Variants in EHMT1 observed in about 807,000 individuals in gnomAD.
EHMT1 encodes histone-lysine N-methyltransferase EHMT1.
EHMT1 carries 15 observed loss-of-function variants against 147.2 expected under a neutral mutation model. The observed-to-expected ratio is 0.10, with a 90% CI of 0.07 to 0.16. EHMT1 has a LOEUF of 0.16. Ranked by LOEUF, EHMT1 falls within the 10% of genes least tolerant of loss-of-function variation. The pLI, the probability that EHMT1 is intolerant of heterozygous loss-of-function variation, is 1.00. For missense variants in EHMT1, 1,587 were observed against 1,772.4 expected, an observed-to-expected ratio of 0.90 and a Z score of 1.88; for synonymous variants, 795 against 709.6, an observed-to-expected ratio of 1.12 and a Z score of -1.91.
Position 137,776,685 on chromosome 9 carries a change from G to A in EHMT1, c.1859G>A (p.Arg620Gln), listed in dbSNP as rs534087251. 41 of 1,614,050 alleles carry A rather than the reference G, an allele frequency of 2.5e-5. No individual in the cohort carries two copies. In the South Asian group the frequency reaches 3.5e-4, roughly 14 times the overall value. The stretch of plus-strand genomic sequence containing the variant: ...CGTTTCCACAAAGACTGTGCCTCTC[G>A]AGTCAATAACGCCAGCTATTGTCCC... Reference protein sequence around the residue: ...SHRFHKDCASRVNNASYCPHC... With the variant: ...SHRFHKDCASQVNNASYCPHC... The change falls in exon 12 of 27, where the codon CGA becomes CAA. Residue 620 changes from arginine to glutamine, a missense_variant. By Grantham distance (43) the Arg-to-Gln change is conservative. This residue lies in a region of EHMT1 where 124 missense variants were observed against 197.8 expected (regional missense o/e 0.63). Transcript: ENST00000460843. The surrounding 1 kb of genome is among the most constrained non-coding windows in gnomAD (Gnocchi z 4.4).
chr9:137,825,785 G>A (rs555416800), intron 25 of EHMT1, among the ~76,000 whole-genome samples: 1 of 152,206 alleles, frequency 6.6e-6, no homozygotes, highest in African/African-American at 2.4e-5. Context: ...TCATCACCAC[G>A]CAGGCTGCCC....
At position 137,790,841 on chromosome 9, in the gene EHMT1, T is replaced by C. The variant is rs1952472436; in HGVS notation, c.2383-7T>C. 2.5e-6 allele frequency: 4 copies of C among 1,614,208 alleles called. No homozygotes were observed. The highest frequency in any genetic ancestry group is 8.5e-7 in the Non-Finnish European group (1 of 1,180,038). On this transcript the variant is annotated splice_polypyrimidine_tract_variant and splice_region_variant and intron_variant, in intron 15 of 26. Transcript: ENST00000460843. The stretch of plus-strand genomic sequence containing the variant: ...CCTCCCATACACCTGAACTGTTGTT[T>C]CACTAGGCGGGCGCTAATATTGACA...
chr9:137,696,121 C>T (rs1943376353), intron 1 of EHMT1, among the ~76,000 whole-genome samples: 1 of 152,062 alleles, frequency 6.6e-6, no homozygotes, highest in Non-Finnish European at 1.5e-5. Context: ...ACCAACTCTC[C>T]TTTTTCTGCC....
At chr9:137,756,959 G>A (rs1390722831) in intron 8 of EHMT1, among the ~76,000 whole-genome samples, 1 of 152,132 alleles carries the variant, frequency 6.6e-6, no homozygotes, top group African/African-American at 2.4e-5. Context: ...ATACCTCTCT[G>A]TGCTAGTGTT....
intron 1 of EHMT1, among the ~76,000 whole-genome samples, chr9:137,684,528 G>A (rs993536275): frequency 6.6e-6 from 1 of 151,976 alleles, no homozygotes; most frequent in Non-Finnish European, 1.5e-5. Context: ...GTCTTACTCT[G>A]TCACCCATGT....
At chr9:137,741,960 T>C (rs1023987345) in intron 4 of EHMT1, among the ~76,000 whole-genome samples, 1 of 152,250 alleles carries the variant, frequency 6.6e-6, no homozygotes, top group Non-Finnish European at 1.5e-5. Flanking sequence ...ATTATGATAG[T>C]GAGTTTAGGA....
intron 2 of EHMT1, 100 bp downstream of exon 2, chr9:137,711,130 T>C (rs1433383872): frequency 1.2e-5 from 15 of 1,299,708 alleles, no homozygotes; most frequent in Admixed American, 2.2e-5. Flanking sequence ...TCTGACTTTC[T>C]TTGCTTCACC....
intron 1 of EHMT1, among the ~76,000 whole-genome samples, chr9:137,670,310 C>T (rs1228227932): frequency 6.6e-6 from 1 of 152,062 alleles, no homozygotes; most frequent in African/African-American, 2.4e-5. Context: ...GACCTTGCAC[C>T]TCCACCCCCA....
chr9:137,688,915 T>C (rs1432635346), intron 1 of EHMT1, among the ~76,000 whole-genome samples: 1 of 152,170 alleles, frequency 6.6e-6, no homozygotes, highest in Non-Finnish European at 1.5e-5. Flanking sequence ...TGATCTGCTA[T>C]TGTGGATGTC....
intron 15 of EHMT1, chr9:137,783,999 C>T: frequency 1.8e-6 from 1 of 551,404 alleles, no homozygotes; most frequent in African/African-American, 1.9e-5. Flanking sequence ...TACCTAATGT[C>T]TTATATTGTA....
chr9:137,796,323 T>G (rs914553315), intron 16 of EHMT1, among the ~76,000 whole-genome samples: 2 of 152,062 alleles, frequency 1.3e-5, no homozygotes, highest in African/African-American at 4.8e-5. Flanking sequence ...TTCAAAAAGG[T>G]GTCACAAAGG....
intron 22 of EHMT1, chr9:137,815,734 G>A (rs1336319412): frequency 1.5e-5 from 9 of 606,498 alleles, no homozygotes; most frequent in Non-Finnish European, 2.4e-5. Context: ...GCTCCAGGGG[G>A]TCTCCACAAC....
At position 137,740,074 on chromosome 9, in the gene EHMT1, A is replaced by T. The variant is rs372111152; in HGVS notation, c.824-3297A>T. Among the ~76,000 whole-genome samples the T allele has an allele frequency of 1.2e-4, 18 of 152,052 alleles. No homozygotes were observed. The East Asian group carries it at 3.5e-3, about 29-fold the overall frequency. On this transcript the variant is annotated intron_variant, in intron 4 of 26. Transcript: ENST00000460843. The stretch of plus-strand genomic sequence containing the variant: ...TTTTTTCCCTCACTTCCAACCTCCC[A>T]TCCACCTTGTCTGCCCTCTGGAGCC...
intron 4 of EHMT1, among the ~76,000 whole-genome samples, chr9:137,729,528 T>TG (rs1217444540): frequency 2.0e-5 from 3 of 151,540 alleles, no homozygotes; most frequent in Admixed American, 6.6e-5. Context: ...CGGAGGTTGC[T>TG]GTGAGCCAAC....
intron 4 of EHMT1, among the ~76,000 whole-genome samples, chr9:137,733,937 G>T (rs995942604): frequency 8.5e-5 from 13 of 152,136 alleles, no homozygotes; most frequent in Admixed American, 8.5e-4. Context: ...CACAGAGACA[G>T]CCTACAACTA....
intron 1 of EHMT1, among the ~76,000 whole-genome samples, chr9:137,679,403 G>C (rs1295010593): frequency 6.6e-6 from 1 of 152,124 alleles, no homozygotes; most frequent in African/African-American, 2.4e-5. Flanking sequence ...ATACATCTCG[G>C]GTGGTCCTCA....
At chr9:137,622,906 C>CAA (rs1180436732) in intron 1 of EHMT1, among the ~76,000 whole-genome samples, 138 of 87,046 alleles carry the variant, frequency 1.6e-3, no homozygotes, top group African/African-American at 4.9e-3. Flanking sequence ...AATCCTGTCT[C>CAA]AAAAAAAAAA....
intron 1 of EHMT1, among the ~76,000 whole-genome samples, chr9:137,635,488 T>C (rs930147713): frequency 6.6e-6 from 1 of 151,606 alleles, no homozygotes; most frequent in African/African-American, 2.4e-5. Flanking sequence ...GTGTTGGGAT[T>C]ACAGGCATGA....
intron 1 of EHMT1, among the ~76,000 whole-genome samples, chr9:137,694,932 AG>A (rs1432531867): frequency 1.3e-5 from 2 of 152,230 alleles, no homozygotes; most frequent in East Asian, 3.9e-4. Flanking sequence ...AGTGGCGGTA[AG>A]AACGGCAAGT....
Sources: gnomAD v4.1 joint callset for allele counts (sites outside exome capture counted in the v4.1 genomes callset) on GRCh38, gnomAD v4.1.1 for gene constraint, gnomAD v4.1.1 regional missense constraint, Gnocchi (gnomAD v3.1) non-coding constraint, MANE v1.5 for transcripts, NCBI Gene and HGNC (gene_info 2026-07-23, HGNC 2026-07-21) for gene names.